SCLY: variants seen among roughly 807,000 people sequenced by gnomAD.
SCLY encodes the protein putative selenocysteine lyase.
Under a neutral mutation model 50.1 loss-of-function variants are expected in SCLY, and 38 were observed. The observed-to-expected ratio is 0.76, with a 90% CI of 0.59 to 0.99. The LOEUF is 0.99. SCLY is among the 50% of genes least tolerant of loss of function. The probability of loss-of-function intolerance (pLI) is 0.00; values close to 1 mark genes in which losing one functional copy is unlikely to be tolerated. For synonymous variants in SCLY, 243 were observed against 249.4 expected (o/e 0.97, Z 0.24); for missense variants, 600 against 620.0 (o/e 0.97, Z 0.34).
intron 4 of SCLY, among the ~76,000 whole-genome samples, chr2:238,076,409 G>A (rs182957840): frequency 2.6e-4 from 40 of 151,420 alleles, no homozygotes; most frequent in African/African-American, 9.0e-4. Context: ...CTTTTTTAAT[G>A]TAGGCATTTA....
intron 4 of SCLY, chr2:238,073,883 A>T (rs756924697): frequency 1.0e-4 from 42 of 415,718 alleles, no homozygotes; most frequent in South Asian, 7.7e-4. Flanking sequence ...TTTTCTTAGT[A>T]TTTTTTCTCT....
intron 7 of SCLY, among the ~76,000 whole-genome samples, chr2:238,087,467 C>G (rs931078981): frequency 1.3e-5 from 2 of 152,180 alleles, no homozygotes; most frequent in African/African-American, 4.8e-5. Flanking sequence ...TAAAATAGAT[C>G]ATTTGAATAG....
intron 8 of SCLY, chr2:238,091,539 TG>T: frequency 8.2e-5 from 33 of 401,010 alleles, no homozygotes; most frequent in South Asian, 2.2e-4. Flanking sequence ...AGTGTCAAGC[TG>T]CAGGTTCACC....
At chr2:238,070,066 C>G (rs574677036) in intron 4 of SCLY, among the ~76,000 whole-genome samples, 1 of 152,198 alleles carries the variant, frequency 6.6e-6, no homozygotes, top group East Asian at 1.9e-4. Flanking sequence ...CGGCAGGAGG[C>G]GCAGGGGCCC....
intron 11 of SCLY, 121 bp downstream of exon 11, chr2:238,096,997 T>C: frequency 1.0e-6 from 1 of 1,002,960 alleles, no homozygotes; most frequent in Non-Finnish European, 1.4e-6. Context: ...CAGCCCTGTC[T>C]GGGCCCTAGG....
intron 8 of SCLY, chr2:238,093,546 G>A (rs1256745445): frequency 5.3e-6 from 2 of 378,564 alleles, no homozygotes; most frequent in Non-Finnish European, 9.8e-6. Context: ...CCAACTGGTG[G>A]GTAGGAGTCT....
chr2:238,061,364 G>T (rs1342646840), intron 1 of SCLY: 4 of 693,366 alleles, frequency 5.8e-6, no homozygotes, highest in Non-Finnish European at 1.1e-5. Flanking sequence ...CTTTGGGGCC[G>T]AAACCCGAGT....
chr2:238,065,915 C>T (rs1314219611), intron 2 of SCLY, among the ~76,000 whole-genome samples: 1 of 151,988 alleles, frequency 6.6e-6, no homozygotes, highest in Non-Finnish European at 1.5e-5. Flanking sequence ...CCTTGTGATC[C>T]ACCCACCTCG....
chr2:238,077,116 TAATC>T (rs1375842557), intron 4 of SCLY, among the ~76,000 whole-genome samples: 1 of 152,136 alleles, frequency 6.6e-6, no homozygotes, highest in Non-Finnish European at 1.5e-5. Flanking sequence ...ATCACACTAT[TAATC>T]AGTTTCTCCC....
rs2065027104 is a variant in SCLY, at chr2:238,062,431, A to T, written c.89+1288A>T. On this transcript the variant is annotated intron_variant, in intron 1 of 11. Transcript: ENST00000254663. ...ATTTTTTTTTTTTTTTTTAATTGAG[A>T]TGGAGTCTCACTCTGTCACCCAGGC... Among the ~76,000 whole-genome samples, 3 of 146,866 alleles carry T rather than the reference A, an allele frequency of 2.0e-5. No homozygotes were observed. In the South Asian group the frequency reaches 6.4e-4, roughly 31 times the overall value.
intron 4 of SCLY, among the ~76,000 whole-genome samples, chr2:238,078,101 C>G (rs1240445835): frequency 6.6e-6 from 1 of 152,066 alleles, no homozygotes; most frequent in Non-Finnish European, 1.5e-5. Context: ...CTACAGGCAC[C>G]TGCCACCATG....
chr2:238,077,702 G>C (rs1442323595), intron 4 of SCLY, among the ~76,000 whole-genome samples: 1 of 152,222 alleles, frequency 6.6e-6, no homozygotes, highest in Non-Finnish European at 1.5e-5. Flanking sequence ...CTCTGAGAAT[G>C]TTCTCTGGAC....
rs562350495 is a variant in SCLY, at chr2:238,067,178, G to A, written c.203-887G>A. Among the ~76,000 whole-genome samples, 1 of 152,314 alleles carries A rather than the reference G, an allele frequency of 6.6e-6. No individual in the cohort carries two copies. The highest frequency in any genetic ancestry group is 6.5e-5 in the Admixed American group (1 of 15,298). ...GACTTTTAGTGTCACCAAGAAAAAT[G>A]ATGGAGTTTTCCTAAACACCACTTA... On this transcript the variant is annotated intron_variant, in intron 2 of 11. Coordinates refer to ENST00000254663, the MANE Select transcript of SCLY (RefSeq NM_016510.7). The surrounding 1 kb of genome is among the most constrained non-coding windows in gnomAD (Gnocchi z 4.3).
At chr2:238,081,540 T>C (rs1471531471) in intron 4 of SCLY, 169 bp from the exon 5 acceptor site, 2 of 828,542 alleles carry the variant, frequency 2.4e-6, no homozygotes, top group East Asian at 2.7e-5. Flanking sequence ...CACCTGACAG[T>C]GACTCTGGGC....
intron 9 of SCLY, 120 bp downstream of exon 9, chr2:238,094,064 C>A: frequency 1.1e-6 from 1 of 885,242 alleles, no homozygotes; most frequent in South Asian, 1.5e-5. Context: ...TAGCCTGGAA[C>A]TCAGCAGGAT....
chr2:238,090,153 T>A (rs1212527365), intron 7 of SCLY, among the ~76,000 whole-genome samples: 1 of 151,996 alleles, frequency 6.6e-6, no homozygotes, highest in African/African-American at 2.4e-5. Flanking sequence ...ACCCAGGTAA[T>A]AAGCACAGGA....
At position 238,069,590 on chromosome 2, in the gene SCLY, C is replaced by G; in HGVS notation, c.484+113C>G. Reference sequence around the variant, plus strand: ...GCTGCAGAGATGTAGATTCAGTGTGCCACTCACTGTAACTCACTGGTTCTG... The same window carrying G: ...GCTGCAGAGATGTAGATTCAGTGTGGCACTCACTGTAACTCACTGGTTCTG... On this transcript the variant is annotated intron_variant, in intron 4 of 11. Transcript: ENST00000254663. The surrounding 1 kb of genome is among the most constrained non-coding windows in gnomAD (Gnocchi z 5.0). 1.0e-6 allele frequency: 1 copy of G among 991,894 alleles called. No individual in the cohort carries two copies. The highest frequency in any genetic ancestry group is 1.4e-6 in the Non-Finnish European group (1 of 691,656). The allele number at this position is 991,894 out of a possible 1,614,324, so 61.4% of individuals were successfully genotyped here. A position where few individuals can be genotyped will look rare whatever the true frequency, so the allele number is the denominator to read the frequency against.
At chr2:238,073,224 G>C (rs953875256) in intron 4 of SCLY, among the ~76,000 whole-genome samples, 1 of 152,164 alleles carries the variant, frequency 6.6e-6, no homozygotes, top group Non-Finnish European at 1.5e-5. Context: ...CTGTATTTCT[G>C]TTCTTAGATT....
intron 4 of SCLY, chr2:238,079,152 A>G (rs1336512099): frequency 7.3e-6 from 1 of 136,498 alleles, no homozygotes; most frequent in Non-Finnish European, 1.5e-5. Flanking sequence ...ACAACTCACT[A>G]CAGCCTCAAC....
Sources: gnomAD v4.1 joint callset for allele counts (sites outside exome capture counted in the v4.1 genomes callset) on GRCh38, gnomAD v4.1.1 for gene constraint, Gnocchi (gnomAD v3.1) non-coding constraint, MANE v1.5 for transcripts, NCBI Gene and HGNC (gene_info 2026-07-23, HGNC 2026-07-21) for gene names.